TENT5C: variants seen among roughly 807,000 people sequenced by gnomAD.
TENT5C encodes terminal nucleotidyltransferase 5C.
TENT5C carries 5 observed loss-of-function variants against 22.2 expected under a neutral mutation model. That is an observed-to-expected ratio of 0.22 (90% CI 0.12 to 0.47). TENT5C has a LOEUF of 0.47. Ranked by LOEUF, TENT5C falls within the 20% of genes least tolerant of loss-of-function variation. TENT5C has a pLI of 0.99. For missense variants in TENT5C, 364 were observed against 500.9 expected (o/e 0.73, Z 2.61); for synonymous variants, 199 against 195.4 (o/e 1.02, Z -0.15).
intron 1 of TENT5C, among the ~76,000 whole-genome samples, chr1:117,611,018 T>G (rs1653660655): frequency 6.6e-6 from 1 of 152,206 alleles, no homozygotes; most frequent in African/African-American, 2.4e-5. Context: ...CTCAACTTGT[T>G]TAGCCCTTAT....
chr1:117,615,599 G>A (rs770309653), intron 1 of TENT5C, among the ~76,000 whole-genome samples: 4 of 152,246 alleles, frequency 2.6e-5, no homozygotes, highest in African/African-American at 7.2e-5. Flanking sequence ...GGCTGTGGCT[G>A]CCGCCATGTG....
chr1:117,625,172 A>AT lies in TENT5C; in HGVS notation c.*1131dup. 1 of 247,966 alleles carries AT rather than the reference A, an allele frequency of 4.0e-6. No individual in the cohort carries two copies. Among genetic ancestry groups the AT allele is most frequent in the Non-Finnish European group, 8.5e-6 (1 of 118,094 alleles). 15.4% of individuals were successfully genotyped at this position (247,966 alleles called of 1,614,324 possible). A position where few individuals can be genotyped will look rare whatever the true frequency, so the allele number is the denominator to read the frequency against. On this transcript the variant is annotated 3_prime_UTR_variant, in exon 2 of 2. Coordinates refer to ENST00000369448, the MANE Select transcript of TENT5C (RefSeq NM_017709.4). ...TGTTTGACAGCAACTCAATTCAGGA[A>AT]TTTCGGTAGAACTGAGTGACCTGTG...
chr1:117,619,791 A>T (rs1050108703), intron 1 of TENT5C, among the ~76,000 whole-genome samples: 8 of 152,148 alleles, frequency 5.3e-5, no homozygotes, highest in Admixed American at 4.6e-4. Flanking sequence ...CTATTCTGAA[A>T]TGCCTCCTTT....
rs1653975175 is a variant in TENT5C at position 117,624,805 on chromosome 1, G to A, written c.*761G>A. ...AACATAATGTTTAATTAGAATTGTG[G>A]TGGTGGTAGTGGAAGGGGATAATTG... On this transcript the variant is annotated 3_prime_UTR_variant, in exon 2 of 2. Coordinates refer to ENST00000369448, the MANE Select transcript of TENT5C (RefSeq NM_017709.4). 8.1e-6 allele frequency: 2 copies of A among 247,976 alleles called. No individual in the cohort carries two copies. Among genetic ancestry groups the A allele is most frequent in the East Asian group, 1.2e-4 (2 of 16,564 alleles). The allele number at this position is 247,976 out of a possible 1,614,324, so 15.4% of individuals were successfully genotyped here. A position where few individuals can be genotyped will look rare whatever the true frequency, so the allele number is the denominator to read the frequency against.
rs778618300 is a variant in TENT5C at position 117,623,704 on chromosome 1, C to T, written c.836C>T (p.Pro279Leu). The T allele has an allele frequency of 7.4e-6, 12 of 1,614,004 alleles. No homozygotes were observed. Among genetic ancestry groups the T allele is most frequent in the East Asian group, 2.2e-5 (1 of 44,890 alleles). Reference protein sequence around the residue: ...YMCSRFFIDFPDILEQQRKLE... With the variant: ...YMCSRFFIDFLDILEQQRKLE... ...TGCTCCAGGTTCTTCATCGACTTCC[C>T]GGACATCCTTGAACAGCAGAGGAAG... Residue 279 changes from proline (P) to leucine (L), a missense_variant, in exon 2 of 2, where the codon CCG (proline) becomes CTG (leucine). This residue lies in a region of TENT5C where 303 missense variants were observed against 394.5 expected (regional missense o/e 0.77). Transcript: ENST00000369448.
At chr1:117,609,984 G>A (rs890653099) in intron 1 of TENT5C, among the ~76,000 whole-genome samples, 27 of 152,234 alleles carry the variant, frequency 1.8e-4, no homozygotes, top group Middle Eastern at 6.8e-3. Context: ...AACTCCTCAA[G>A]CTGAGCTCCA....
rs1052993256 is a variant in TENT5C at position 117,624,953 on chromosome 1, A to C, written c.*909A>C. 18 of 247,840 alleles carry C rather than the reference A, an allele frequency of 7.3e-5. No individual in the cohort carries two copies. The highest frequency in any genetic ancestry group is 4.0e-4 in the African/African-American group (18 of 45,280). 15.4% of individuals were successfully genotyped at this position (247,840 alleles called of 1,614,324 possible). A position where few individuals can be genotyped will look rare whatever the true frequency, so the allele number is the denominator to read the frequency against. ...GCTGAATTTTGTTTTATTCTTCCTA[A>C]GACTGAGGATTGTGCTGAGTCCAGA... On this transcript the variant is annotated 3_prime_UTR_variant, in exon 2 of 2. Transcript: ENST00000369448.
At chr1:117,622,225 C>A (rs1315350554) in intron 1 of TENT5C, among the ~76,000 whole-genome samples, 1 of 152,082 alleles carries the variant, frequency 6.6e-6, no homozygotes, top group Non-Finnish European at 1.5e-5. Flanking sequence ...AGGGAATATA[C>A]TTTATTCTAG....
rs1653970792 is a variant in TENT5C, at chr1:117,624,561, T to G, written c.*517T>G. 2.0e-5 allele frequency: 5 copies of G among 249,774 alleles called. No individual in the cohort carries two copies. The East Asian group carries it at 3.0e-4, about 15-fold the overall frequency. The allele number at this position is 249,774 out of a possible 1,614,324, so 15.5% of individuals were successfully genotyped here. On this transcript the variant is annotated 3_prime_UTR_variant, in exon 2 of 2. Transcript: ENST00000369448. Reference sequence around the variant, plus strand: ...TGAGGGTGCTCTTGTGACTTAATTTTTGTTCAAGGGACTAAATTGCTTATG... The same window carrying G: ...TGAGGGTGCTCTTGTGACTTAATTTGTGTTCAAGGGACTAAATTGCTTATG...
At position 117,623,898 on chromosome 1, in the gene TENT5C, CA is replaced by C; in HGVS notation, c.1034del (p.Asn345ThrfsTer52). 1 of 1,614,124 alleles carries C rather than the reference CA, an allele frequency of 6.2e-7. No individual in the cohort carries two copies. The highest frequency in any genetic ancestry group is 8.5e-7 in the Non-Finnish European group (1 of 1,180,020). ...SLLALRVLAE[Q>X]NIIPSATNVT... ...CCTGGCCTTGCGTGTGCTGGCGGAA[CA>C]AAACATCATCCCCAGTGCCACCAAC... On this transcript the variant is annotated frameshift_variant, in exon 2 of 2. Transcript: ENST00000369448. LOFTEE classifies it high-confidence loss of function.
At chr1:117,617,280 G>A (rs1653807205) in intron 1 of TENT5C, among the ~76,000 whole-genome samples, 2 of 152,112 alleles carry the variant, frequency 1.3e-5, no homozygotes, top group African/African-American at 4.8e-5. Context: ...CTGGGCAGTG[G>A]GAAATGATTA....
At chr1:117,613,125 A>T (rs1305815830) in intron 1 of TENT5C, among the ~76,000 whole-genome samples, 1 of 152,204 alleles carries the variant, frequency 6.6e-6, no homozygotes, top group African/African-American at 2.4e-5. Flanking sequence ...CAGACCAGTA[A>T]CACCTCTGAT....
At chr1:117,609,573 G>T (rs1653619498) in intron 1 of TENT5C, among the ~76,000 whole-genome samples, 1 of 152,210 alleles carries the variant, frequency 6.6e-6, no homozygotes, top group Non-Finnish European at 1.5e-5. Context: ...GCAGTAGCTA[G>T]TGCCAGGTGC....
At position 117,622,851 on chromosome 1, in the gene TENT5C, C is replaced by T. The variant is rs200686556; in HGVS notation, c.-18C>T. 1 of 1,599,612 alleles carries T rather than the reference C, an allele frequency of 6.3e-7. No individual in the cohort carries two copies. Among genetic ancestry groups the T allele is most frequent in the South Asian group, 1.1e-5 (1 of 90,262 alleles). On this transcript the variant is annotated 5_prime_UTR_variant, in exon 2 of 2. Coordinates refer to ENST00000369448, the MANE Select transcript of TENT5C (RefSeq NM_017709.4). ...CACCCCTCACTTTCAGTTTCCCCAGCCAGAACATCCCCTGAAGATGGCAGA... is the reference window on the plus strand; with the variant it reads ...CACCCCTCACTTTCAGTTTCCCCAGTCAGAACATCCCCTGAAGATGGCAGA...
chr1:117,625,923 C>T lies in TENT5C; in HGVS notation c.*1879C>T, dbSNP rs1473988039. On this transcript the variant is annotated 3_prime_UTR_variant, in exon 2 of 2. Coordinates refer to ENST00000369448, the MANE Select transcript of TENT5C (RefSeq NM_017709.4). ...TGTGAGCCTTAGTTATATTTTAATT[C>T]AGTGGCTTTGAGTCAAGGCCGGTTC... 4.0e-6 allele frequency: 1 copy of T among 247,762 alleles called. No homozygotes were observed. The highest frequency in any genetic ancestry group is 8.5e-6 in the Non-Finnish European group (1 of 117,996). 15.3% of individuals were successfully genotyped at this position (247,762 alleles called of 1,614,324 possible). A position where few individuals can be genotyped will look rare whatever the true frequency, so the allele number is the denominator to read the frequency against.
Position 117,623,284 on chromosome 1 carries a change from T to C in TENT5C, c.416T>C (p.Val139Ala). The C allele has an allele frequency of 6.2e-7, 1 of 1,614,178 alleles. No homozygotes were observed. Reference protein sequence around the residue: ...ISPVTLKEAYVQKLVKVCTDT... With the variant: ...ISPVTLKEAYAQKLVKVCTDT... ...CCAGTCACTCTGAAGGAGGCATATG[T>C]GCAGAAGCTAGTGAAGGTTTGCACG... The change falls in exon 2 of 2, where the codon GTG becomes GCG. Residue 139 changes from valine (V) to alanine (A), a missense_variant. Physicochemically the swap from Val to Ala is moderately conservative, Grantham distance 64. Coordinates refer to ENST00000369448, the MANE Select transcript of TENT5C (RefSeq NM_017709.4).
chr1:117,620,103 A>G (rs1653861590), intron 1 of TENT5C, among the ~76,000 whole-genome samples: 1 of 152,038 alleles, frequency 6.6e-6, no homozygotes, highest in Non-Finnish European at 1.5e-5. Context: ...CCCCCCACCA[A>G]AAAAAAGGCT....
Position 117,628,170 on chromosome 1 carries a change from A to G in TENT5C, c.*4126A>G, listed in dbSNP as rs1047146890. 4.0e-6 allele frequency: 1 copy of G among 247,722 alleles called. No individual in the cohort carries two copies. The highest frequency in any genetic ancestry group is 8.5e-6 in the Non-Finnish European group (1 of 117,946). The allele number at this position is 247,722 out of a possible 1,614,324, so 15.3% of individuals were successfully genotyped here. On this transcript the variant is annotated 3_prime_UTR_variant, in exon 2 of 2. Transcript: ENST00000369448. ...TATAGATGAAAAATAGATACCAATT[A>G]GACTAAATTGAAAGCTTTTTGTTCT...
Position 117,623,281 on chromosome 1 carries a change from A to G in TENT5C, c.413A>G (p.Tyr138Cys). The G allele has an allele frequency of 6.2e-7, 1 of 1,614,184 alleles. No homozygotes were observed. Among genetic ancestry groups the G allele is most frequent in the Non-Finnish European group, 8.5e-7 (1 of 1,180,040 alleles). Residue 138 changes from tyrosine to cysteine, a missense_variant, in exon 2 of 2, where the codon TAT (tyrosine) becomes TGT (cysteine). Tyr to Cys is a radical substitution (Grantham distance 194). Transcript: ENST00000369448. ...AGTCCAGTCACTCTGAAGGAGGCAT[A>G]TGTGCAGAAGCTAGTGAAGGTTTGC... Reference protein sequence around the residue: ...KISPVTLKEAYVQKLVKVCTD... With the variant: ...KISPVTLKEACVQKLVKVCTD...
Sources: gnomAD v4.1 joint callset for allele counts (sites outside exome capture counted in the v4.1 genomes callset) on GRCh38, gnomAD v4.1.1 for gene constraint, gnomAD v4.1.1 regional missense constraint, MANE v1.5 for transcripts, NCBI Gene and HGNC (gene_info 2026-07-23, HGNC 2026-07-21) for gene names.